Variants in PLA2G6 observed in about 807,000 individuals in gnomAD.
The protein encoded by PLA2G6 is phospholipase A2 group VI.
A neutral mutation model predicts 83.8 loss-of-function variants in PLA2G6; 62 were observed. The ratio of observed to expected loss-of-function variants is 0.74; its 90% CI spans 0.60 to 0.91. The LOEUF (loss-of-function observed/expected upper bound fraction) is 0.91. Among genes scored for constraint, PLA2G6 ranks in the 40% least tolerant of loss-of-function variants. PLA2G6 has a pLI of 0.00. For synonymous variants in PLA2G6, 417 were observed against 449.8 expected (o/e 0.93, Z 0.92); for missense variants, 944 against 1,102.0 (o/e 0.86, Z 2.03).
At chr22:38,176,180 C>T (rs1255893048) in intron 1 of PLA2G6, among the ~76,000 whole-genome samples, 2 of 152,134 alleles carry the variant, frequency 1.3e-5, no homozygotes, top group African/African-American at 2.4e-5. Context: ...CCCCAGGCTT[C>T]GGTCTGGAAA....
chr22:38,165,670 G>A lies in PLA2G6; in HGVS notation c.209+3548C>T, dbSNP rs566916574. 4.6e-5 allele frequency among the ~76,000 whole-genome samples: 7 copies of A among 152,142 alleles called. No individual in the cohort carries two copies. In the East Asian group the frequency reaches 9.7e-4, roughly 21 times the overall value. On this transcript the variant is annotated intron_variant, in intron 2 of 16. Transcript: ENST00000332509. ...GGGCAGATCACAAGGTCAGGAGATC[G>A]AGACCATCCTGGCTAAGAGTAGATG...
intron 12 of PLA2G6, among the ~76,000 whole-genome samples, chr22:38,118,145 T>C (rs2145698124): frequency 6.6e-6 from 1 of 152,210 alleles, no homozygotes; most frequent in East Asian, 1.9e-4. Context: ...TTTAAAGATG[T>C]TAATTGGCTT....
intron 10 of PLA2G6, chr22:38,125,622 G>A: frequency 2.1e-6 from 1 of 467,154 alleles, no homozygotes; most frequent in Non-Finnish European, 4.4e-6. Context: ...GCTGTGAGTT[G>A]CCACCCTGAC....
rs571187090 is a variant in PLA2G6, at chr22:38,118,017, T to C, written c.1743-1806A>G. ...CGCCACTGCACTCCAGCCTGGGTGA[T>C]AGAGCAAGACTCCATCTCAAAAAAA... On this transcript the variant is annotated intron_variant, in intron 12 of 16. Coordinates refer to ENST00000332509, the MANE Select transcript of PLA2G6 (RefSeq NM_003560.4). Among the ~76,000 whole-genome samples, 14 of 139,432 alleles carry C rather than the reference T, an allele frequency of 1.0e-4. No individual in the cohort carries two copies. In the East Asian group the frequency reaches 1.6e-3, roughly 16 times the overall value. The allele number at this position is 139,432 out of a possible 152,430, so 91.5% of individuals were successfully genotyped here.
Position 38,113,637 on chromosome 22 carries a change from C to T in PLA2G6, c.2052G>A (p.Val684=), listed in dbSNP as rs531895866. Reference sequence around the variant, plus strand: ...GGGAGACAACGATGGAGAGTTTCTTCACCTTGTTGGCCTGACCCTGTTGGG... The same window carrying T: ...GGGAGACAACGATGGAGAGTTTCTTTACCTTGTTGGCCTGACCCTGTTGGG... ...DLIRKGQANK[V]KKLSIVVSLG... Residue 684 remains valine, a synonymous_variant, in exon 15 of 17, where the codon GTG becomes GTA. Coordinates refer to ENST00000332509, the MANE Select transcript of PLA2G6 (RefSeq NM_003560.4). 2.5e-6 allele frequency: 4 copies of T among 1,613,882 alleles called. No individual in the cohort carries two copies. Among genetic ancestry groups the T allele is most frequent in the Non-Finnish European group, 3.4e-6 (4 of 1,180,020 alleles).
chr22:38,138,788 G>C (rs1314810854), intron 5 of PLA2G6: 2 of 152,178 alleles, frequency 1.3e-5, no homozygotes, highest in East Asian at 3.9e-4. Context: ...TCCTGTCTCA[G>C]CCTCCTGAGT....
chr22:38,112,295 G>A lies in PLA2G6; in HGVS notation c.2287C>T (p.Gln763Ter), dbSNP rs373493102. ...TCCAGCATGATGTCCGTCCCCAGCT[G>A]GGGGTTCAATCTGTTCGGGCCAGGG... is the stretch of plus-strand genomic sequence containing the variant. ...VGIQYFRLNP[Q>*]LGTDIMLDEV... Residue 763 changes from glutamine to a stop codon, truncating the protein, a stop_gained, in exon 17 of 17, where the codon CAG becomes TAG. Coordinates refer to ENST00000332509, the MANE Select transcript of PLA2G6 (RefSeq NM_003560.4). LOFTEE classifies it high-confidence loss of function. 5 of 1,613,368 alleles carry A rather than the reference G, an allele frequency of 3.1e-6. No individual in the cohort carries two copies. The African/African-American group carries it at 4.0e-5, about 13-fold the overall frequency.
intron 2 of PLA2G6, among the ~76,000 whole-genome samples, chr22:38,161,505 C>T (rs2090010150): frequency 6.6e-6 from 1 of 152,038 alleles, no homozygotes; most frequent in East Asian, 1.9e-4. Flanking sequence ...CGGGGGGATA[C>T]TTTCAATCCA....
In PLA2G6 at chr22:38,113,709, C is replaced by T. The variant is rs572529162; in HGVS notation, c.2035-55G>A. The T allele has an allele frequency of 5.5e-5, 84 of 1,539,698 alleles. No homozygotes were observed. The Middle Eastern group carries it at 3.2e-3, about 59-fold the overall frequency. Reference sequence around the variant, plus strand: ...AGAGACCTTCCACAGGTAGGGGGCACGAAGGGGAGCGTCAAGGGGAGGCCC... The same window carrying T: ...AGAGACCTTCCACAGGTAGGGGGCATGAAGGGGAGCGTCAAGGGGAGGCCC... On this transcript the variant is annotated intron_variant, in intron 14 of 16. Coordinates refer to ENST00000332509, the MANE Select transcript of PLA2G6 (RefSeq NM_003560.4).
At chr22:38,125,303 G>T (rs991067877) in intron 10 of PLA2G6, among the ~76,000 whole-genome samples, 1 of 151,978 alleles carries the variant, frequency 6.6e-6, no homozygotes, top group African/African-American at 2.4e-5. Context: ...TGTGCATGTG[G>T]GTGTGTGTGC....
At chr22:38,122,983 A>AGCCTCC (rs908115833) in intron 11 of PLA2G6, 112 bp downstream of exon 11, 1 of 1,056,012 alleles carries the variant, frequency 9.5e-7, no homozygotes. Flanking sequence ...AAGTGCTTAT[A>AGCCTCC]GCCCTCCTCT....
At chr22:38,125,510 GA>G (rs1205414567) in intron 10 of PLA2G6, 3 of 347,848 alleles carry the variant, frequency 8.6e-6, no homozygotes, top group Non-Finnish European at 1.8e-5. Flanking sequence ...CTGATTCTGA[GA>G]AGAGAGCTTT....
intron 2 of PLA2G6, among the ~76,000 whole-genome samples, chr22:38,154,850 G>A (rs1393754689): frequency 6.6e-6 from 1 of 152,148 alleles, no homozygotes; most frequent in Non-Finnish European, 1.5e-5. Context: ...TGTTTTGAGG[G>A]AACTCAGTGA....
At position 38,127,330 on chromosome 22, in the gene PLA2G6, G is replaced by A. The variant is rs1167795420; in HGVS notation, c.1349-881C>T. On this transcript the variant is annotated intron_variant, in intron 9 of 16. Coordinates refer to ENST00000332509, the MANE Select transcript of PLA2G6 (RefSeq NM_003560.4). Reference sequence around the variant, plus strand: ...CGTGTGGTGTGTGCGCAGCTAAGAAGGACGGATTAGGGAGTGAGAGCTAGA... The same window carrying A: ...CGTGTGGTGTGTGCGCAGCTAAGAAAGACGGATTAGGGAGTGAGAGCTAGA... The A allele has an allele frequency of 1.5e-5, 20 of 1,295,746 alleles. No homozygotes were observed. The Admixed American group carries it at 3.2e-4, about 21-fold the overall frequency. 80.3% of individuals were successfully genotyped at this position (1,295,746 alleles called of 1,614,324 possible). A position where few individuals can be genotyped will look rare whatever the true frequency, so the allele number is the denominator to read the frequency against.
chr22:38,169,809 T>C (rs770773054), intron 1 of PLA2G6, among the ~76,000 whole-genome samples: 2 of 152,178 alleles, frequency 1.3e-5, no homozygotes, highest in Non-Finnish European at 2.9e-5. Flanking sequence ...CCAAAGGAGA[T>C]AGCACATGTG....
At chr22:38,120,687 G>T (rs1371059345) in intron 12 of PLA2G6, 72 bp downstream of exon 12, 20 of 1,564,086 alleles carry the variant, frequency 1.3e-5, no homozygotes, top group Non-Finnish European at 1.8e-5. Flanking sequence ...GCAGGACAGG[G>T]AGCCCTCTGT....
At chr22:38,113,440 G>C in intron 15 of PLA2G6, 47 bp downstream of exon 15, 1 of 1,588,310 alleles carries the variant, frequency 6.3e-7, no homozygotes, top group East Asian at 2.2e-5. Flanking sequence ...ATCGACCTGG[G>C]CTACAGACCC....
chr22:38,159,768 T>C (rs1432871207), intron 2 of PLA2G6, among the ~76,000 whole-genome samples: 1 of 120,480 alleles, frequency 8.3e-6, no homozygotes, highest in Non-Finnish European at 1.7e-5. Flanking sequence ...AAGGAGATCT[T>C]CAACAATTTT....
intron 1 of PLA2G6, among the ~76,000 whole-genome samples, chr22:38,179,389 C>T (rs528929015): frequency 7.9e-4 from 120 of 152,274 alleles, no homozygotes; most frequent in African/African-American, 2.8e-3. Context: ...ATGAACAATA[C>T]TCCTATGTCC....
Sources: gnomAD v4.1 joint callset for allele counts (sites outside exome capture counted in the v4.1 genomes callset) on GRCh38, gnomAD v4.1.1 for gene constraint, MANE v1.5 for transcripts, NCBI Gene and HGNC (gene_info 2026-07-23, HGNC 2026-07-21) for gene names.